Variants in PANK4 observed in about 807,000 individuals in gnomAD.
The protein encoded by PANK4 is pantothenate kinase 4 (inactive).
A neutral mutation model predicts 87.9 loss-of-function variants in PANK4; 40 were observed. That is an observed-to-expected ratio of 0.46 (90% confidence interval 0.35 to 0.59). The LOEUF (loss-of-function observed/expected upper bound fraction) is 0.59. PANK4 is among the 20% of genes least tolerant of loss of function. The pLI, the probability that PANK4 is intolerant of heterozygous loss-of-function variation, is 0.00. For missense variants in PANK4, 926 were observed against 1,072.3 expected (o/e 0.86, Z 1.90); for synonymous variants, 524 against 467.4 (o/e 1.12, Z -1.56).
Position 2,509,031 on chromosome 1 carries a change from A to C in PANK4, c.2138T>G (p.Val713Gly). The part of the protein sequence containing the change: ...SRLDKGLAAL[V>G]RERGADLVVI... ...CACCAGATCCGCGCCACGCTCCCGC[A>C]CCAGTGCGGCCAGCCCCTTATCCAG... The change falls in exon 19 of 19, where the codon GTG becomes GGG. Residue 713 changes from valine (V) to glycine (G), a missense_variant. Transcript: ENST00000378466. The surrounding 1 kb of genome is among the most constrained non-coding windows in gnomAD (Gnocchi z 4.9). 1 of 1,601,870 alleles carries C rather than the reference A, an allele frequency of 6.2e-7. No individual in the cohort carries two copies. Among genetic ancestry groups the C allele is most frequent in the Non-Finnish European group, 8.5e-7 (1 of 1,179,358 alleles).
intron 11 of PANK4, 118 bp downstream of exon 11, chr1:2,514,236 G>A: frequency 2.7e-6 from 3 of 1,111,184 alleles, no homozygotes; most frequent in Non-Finnish European, 4.1e-6. Flanking sequence ...TGCCGCCAGG[G>A]CCCACACCCA....
chr1:2,517,545 T>C (rs1476370530), intron 9 of PANK4, among the ~76,000 whole-genome samples: 2 of 152,182 alleles, frequency 1.3e-5, no homozygotes, highest in Non-Finnish European at 2.9e-5. Context: ...GTTCCTGCCA[T>C]GTGGGGCTGT....
chr1:2,513,480 G>A (rs988567751), intron 12 of PANK4, among the ~76,000 whole-genome samples: 2 of 152,254 alleles, frequency 1.3e-5, no homozygotes, highest in Admixed American at 1.3e-4. Flanking sequence ...GCCAAGGAGG[G>A]CTCTGGCCGC....
intron 12 of PANK4, 24 bp downstream of exon 12, chr1:2,513,977 GA>G: frequency 6.4e-7 from 1 of 1,553,240 alleles, no homozygotes. Flanking sequence ...AGAGCGAGCG[GA>G]AGGCCAGGGC....
At chr1:2,512,806 G>T in intron 13 of PANK4, 82 bp downstream of exon 13, 2 of 1,446,568 alleles carry the variant, frequency 1.4e-6, no homozygotes, top group Non-Finnish European at 1.9e-6. Context: ...CAAGGGACCC[G>T]CTCCACCTCC....
chr1:2,521,010 GAC>G, intron 3 of PANK4, 89 bp downstream of exon 3: 1 of 1,522,286 alleles, frequency 6.6e-7, no homozygotes, highest in Non-Finnish European at 9.0e-7. Context: ...TGCGCAATCT[GAC>G]ACACGAGCGC....
Position 2,510,813 on chromosome 1 carries a change from G to C in PANK4, c.1834-31C>G. The C allele has an allele frequency of 7.7e-7, 1 of 1,304,686 alleles. No homozygotes were observed. Among genetic ancestry groups the C allele is most frequent in the Non-Finnish European group, 1.1e-6 (1 of 898,590 alleles). 80.8% of individuals were successfully genotyped at this position (1,304,686 alleles called of 1,614,324 possible). A position where few individuals can be genotyped will look rare whatever the true frequency, so the allele number is the denominator to read the frequency against. On this transcript the variant is annotated intron_variant, in intron 15 of 18. Transcript: ENST00000378466. The surrounding 1 kb of genome is among the most constrained non-coding windows in gnomAD (Gnocchi z 4.9). ...AGACAAAACCAGGACGTTCAGTTGG[G>C]AACAGGCGCATCCAAGCGAGTCAGT...
rs926178173 is a variant in PANK4, at chr1:2,521,020, C to T, written c.422+81G>A. ...CCCCATGCGCAATCTGACACACGAG[C>T]GCCAGGGACGCGGCTCTGGGACACC... On this transcript the variant is annotated intron_variant, in intron 3 of 18. Transcript: ENST00000378466. 9.2e-6 allele frequency: 14 copies of T among 1,525,230 alleles called. No individual in the cohort carries two copies. The East Asian group carries it at 1.8e-4, about 20-fold the overall frequency. 94.5% of individuals were successfully genotyped at this position (1,525,230 alleles called of 1,614,324 possible).
rs776643685 is a variant in PANK4, at chr1:2,520,357, A to G, written c.664T>C (p.Phe222Leu). 3 of 1,612,848 alleles carry G rather than the reference A, an allele frequency of 1.9e-6. No individual in the cohort carries two copies. Among genetic ancestry groups the G allele is most frequent in the Non-Finnish European group, 2.5e-6 (3 of 1,179,976 alleles). The change falls in exon 5 of 19, where the codon TTC becomes CTC. Residue 222 changes from phenylalanine (F) to leucine (L), a missense_variant. By Grantham distance (22) the Phe-to-Leu change is conservative (BLOSUM62 0). Coordinates refer to ENST00000378466, the MANE Select transcript of PANK4 (RefSeq NM_018216.4). The surrounding 1 kb of genome is among the most constrained non-coding windows in gnomAD (Gnocchi z 6.2). ...GTGAGCAGAGCGCCAAGCCCCCAGA[A>G]GGTGCCGCCTCCAATGGAGCTGCCG... ...VGGSSIGGGTFWGLGALLTKT... is the reference protein window; with the variant it reads ...VGGSSIGGGTLWGLGALLTKT...
At position 2,520,294 on chromosome 1, in the gene PANK4, TGGAAGGTCTCTGGCAGCTGCCG is replaced by T; in HGVS notation, c.699+6_699+27del. 3 of 1,599,854 alleles carry T rather than the reference TGGAAGGTCTCTGGCAGCTGCCG, an allele frequency of 1.9e-6. No homozygotes were observed. The highest frequency in any genetic ancestry group is 2.6e-6 in the Non-Finnish European group (3 of 1,168,088). ...GGAAGCAGACATCTCCGCAGACCCC[TGGAAGGTCTCTGGCAGCTGCCG>T]CATACCTTCGTTTTGGTGAGCAGAG... On this transcript the variant is annotated splice_donor_region_variant and intron_variant, in intron 5 of 18. Coordinates refer to ENST00000378466, the MANE Select transcript of PANK4 (RefSeq NM_018216.4). The surrounding 1 kb of genome is among the most constrained non-coding windows in gnomAD (Gnocchi z 6.2).
Position 2,510,949 on chromosome 1 carries a change from C to T in PANK4, c.1834-167G>A, listed in dbSNP as rs1643649915. ...CTGCAGGGGCCGAGACCAGGGGCTT[C>T]AGGGCCCCAGAGGTGCCGGGACTGG... On this transcript the variant is annotated intron_variant, in intron 15 of 18. Coordinates refer to ENST00000378466, the MANE Select transcript of PANK4 (RefSeq NM_018216.4). This position sits in a 1 kb window ranked among gnomAD's most constrained non-coding sequence, Gnocchi z 4.9. 6.6e-6 allele frequency among the ~76,000 whole-genome samples: 1 copy of T among 152,086 alleles called. No homozygotes were observed. Among genetic ancestry groups the T allele is most frequent in the Non-Finnish European group, 1.5e-5 (1 of 67,988 alleles).
intron 13 of PANK4, chr1:2,512,602 A>C: frequency 2.2e-6 from 1 of 451,036 alleles, no homozygotes; most frequent in South Asian, 4.1e-5. Flanking sequence ...CTGACAATAG[A>C]AAATGCCAGC....
chr1:2,518,589 C>G lies in PANK4; in HGVS notation c.1044G>C (p.Val348=). 4 of 1,568,108 alleles carry G rather than the reference C, an allele frequency of 2.6e-6. No homozygotes were observed. Among genetic ancestry groups the G allele is most frequent in the Non-Finnish European group, 3.5e-6 (4 of 1,156,482 alleles). Residue 348 remains valine, a synonymous_variant, in exon 8 of 19, where the codon GTG becomes GTC. Coordinates refer to ENST00000378466, the MANE Select transcript of PANK4 (RefSeq NM_018216.4). ...CTTCGTGCCTCAGAAACAGCGCCTG[C>G]ACTTCCCCCTGCCGTGGCCAAAGCA... The part of the protein sequence containing the change: ...YSINFFSKGE[V]QALFLRHEGY...
In PANK4 at chr1:2,526,509, T is replaced by C; in HGVS notation, c.79A>G (p.Ile27Val). The C allele has an allele frequency of 6.3e-7, 1 of 1,584,382 alleles. No individual in the cohort carries two copies. The highest frequency in any genetic ancestry group is 1.4e-5 in the African/African-American group (1 of 72,186). Residue 27 changes from isoleucine (I) to valine (V), a missense_variant, in exon 1 of 19, where the codon ATC becomes GTC. Ile to Val is a conservative substitution (Grantham distance 29). Coordinates refer to ENST00000378466, the MANE Select transcript of PANK4 (RefSeq NM_018216.4). ...DKSITLPPDE[I>V]FRNLENAKRF... Reference sequence around the variant, plus strand: ...TTGGCGTTCTCCAGGTTGCGGAAGATCTCGTCGGGGGGCAGCGTGATGCTC... The same window carrying C: ...TTGGCGTTCTCCAGGTTGCGGAAGACCTCGTCGGGGGGCAGCGTGATGCTC...
chr1:2,521,072 C>T (rs1470370460), intron 3 of PANK4, 29 bp downstream of exon 3: 1 of 1,588,760 alleles, frequency 6.3e-7, no homozygotes, highest in African/African-American at 1.3e-5. Flanking sequence ...GACACATGTT[C>T]CTTTCTCGCC....
Position 2,519,021 on chromosome 1 carries a change from G to A in PANK4, c.1035+122C>T, listed in dbSNP as rs567789223. 1.1e-6 allele frequency: 1 copy of A among 895,438 alleles called. No homozygotes were observed. Among genetic ancestry groups the A allele is most frequent in the African/African-American group, 1.7e-5 (1 of 60,104 alleles). 55.5% of individuals were successfully genotyped at this position (895,438 alleles called of 1,614,324 possible). ...AATCAGTCAGAAGGGAGGGGTGCTGGGCTTCTTGGCCCCCACCCTCCAGGC... is the reference window on the plus strand; with the variant it reads ...AATCAGTCAGAAGGGAGGGGTGCTGAGCTTCTTGGCCCCCACCCTCCAGGC... On this transcript the variant is annotated intron_variant, in intron 7 of 18. Transcript: ENST00000378466. This position sits in a 1 kb window ranked among gnomAD's most constrained non-coding sequence, Gnocchi z 8.3.
chr1:2,511,748 A>G (rs1315151418), intron 13 of PANK4, 65 bp from the exon 14 acceptor site: 3 of 954,380 alleles, frequency 3.1e-6, no homozygotes, highest in Non-Finnish European at 5.1e-6. Context: ...ACAGTGCTCA[A>G]TGTGAAGACC....
intron 3 of PANK4, 92 bp downstream of exon 3, chr1:2,521,009 T>A (rs763584612): frequency 2.0e-6 from 3 of 1,523,406 alleles, no homozygotes; most frequent in Non-Finnish European, 2.7e-6. Flanking sequence ...ATGCGCAATC[T>A]GACACACGAG....
At chr1:2,526,261 C>T (rs1643922213) in intron 1 of PANK4, 1 of 165,888 alleles carries the variant, frequency 6.0e-6, no homozygotes, top group Non-Finnish European at 1.2e-5. Context: ...GTCCGGCCGT[C>T]GCCCCGAGCC....
Sources: allele counts gnomAD v4.1 joint callset (sites outside exome capture counted in the v4.1 genomes callset), GRCh38; gene constraint gnomAD v4.1.1; non-coding constraint Gnocchi (gnomAD v3.1); transcripts MANE v1.5; gene names NCBI Gene and HGNC (gene_info 2026-07-23, HGNC 2026-07-21).